EPHA6: variants seen among roughly 807,000 people sequenced by gnomAD.
EPHA6 encodes EPH receptor A6, also known as ephrin type-A receptor 6.
EPHA6 carries 50 observed loss-of-function variants against 112.0 expected under a neutral mutation model. That is an observed-to-expected ratio of 0.45 (90% CI 0.36 to 0.56). EPHA6 has a LOEUF of 0.56. Ranked by LOEUF, EPHA6 falls within the 20% of genes least tolerant of loss-of-function variation. The probability of loss-of-function intolerance (pLI) is 0.00; values close to 1 mark genes in which losing one functional copy is unlikely to be tolerated. For missense variants in EPHA6, 1,280 were observed against 1,417.4 expected (o/e 0.90, Z 1.56); for synonymous variants, 529 against 490.7 (o/e 1.08, Z -1.03).
intron 6 of EPHA6, among the ~76,000 whole-genome samples, chr3:97,432,056 G>C (rs1245654207): frequency 6.6e-6 from 1 of 152,044 alleles, no homozygotes; most frequent in African/African-American, 2.4e-5. Flanking sequence ...TCAAGTTACT[G>C]GCTATATAAA....
rs1234440962 is a variant in EPHA6 at position 96,905,718 on chromosome 3, T to TA, written c.450+38831dup. On this transcript the variant is annotated intron_variant, in intron 2 of 17. Transcript: ENST00000389672. ...AATTATTCTCATTAGGTTTTTTTTTTAACTATTTTAGGAATCACCAAGAGT... is the reference window on the plus strand; with the variant it reads ...AATTATTCTCATTAGGTTTTTTTTTTAAACTATTTTAGGAATCACCAAGAGT... Among the ~76,000 whole-genome samples, 4 of 152,016 alleles carry TA rather than the reference T, an allele frequency of 2.6e-5. No homozygotes were observed. The East Asian group carries it at 7.7e-4, about 29-fold the overall frequency.
At chr3:96,913,209 CA>C (rs1559825535) in intron 2 of EPHA6, among the ~76,000 whole-genome samples, 14 of 119,330 alleles carry the variant, frequency 1.2e-4, no homozygotes, top group East Asian at 3.7e-4. Flanking sequence ...CACACACACA[CA>C]CACCACACAC....
intron 5 of EPHA6, among the ~76,000 whole-genome samples, chr3:97,296,713 C>T (rs932748199): frequency 1.3e-5 from 2 of 152,114 alleles, no homozygotes; most frequent in African/African-American, 4.8e-5. Context: ...AGCAGGATTG[C>T]TGTCAATGGC....
intron 11 of EPHA6, among the ~76,000 whole-genome samples, chr3:97,582,074 G>A (rs2107290876): frequency 6.6e-6 from 1 of 151,744 alleles, no homozygotes; most frequent in East Asian, 1.9e-4. Context: ...CCCAGGCTGA[G>A]GCTGGAGTGC....
At chr3:97,543,440 T>A (rs1459814633) in intron 11 of EPHA6, among the ~76,000 whole-genome samples, 1 of 152,202 alleles carries the variant, frequency 6.6e-6, no homozygotes, top group Non-Finnish European at 1.5e-5. Flanking sequence ...CTCTGTTCTG[T>A]TCCATTGGTC....
At chr3:97,262,355 TAA>T (rs201383101) in intron 5 of EPHA6, among the ~76,000 whole-genome samples, 2,511 of 152,268 alleles carry the variant, frequency 0.016, 63 homozygotes, top group African/African-American at 0.056. Flanking sequence ...GATCTTGAAA[TAA>T]GTGTTTTTGC....
At chr3:96,960,184 C>G (rs1326010375) in intron 2 of EPHA6, among the ~76,000 whole-genome samples, 1 of 152,048 alleles carries the variant, frequency 6.6e-6, no homozygotes, top group Non-Finnish European at 1.5e-5. Context: ...GGTATGTGGC[C>G]TACATTTAGT....
chr3:96,982,560 G>A (rs2042839079), intron 2 of EPHA6, among the ~76,000 whole-genome samples: 3 of 152,176 alleles, frequency 2.0e-5, no homozygotes, highest in Non-Finnish European at 1.5e-5. Flanking sequence ...TTCTGTAGAT[G>A]TCTATTAGGT....
intron 1 of EPHA6, among the ~76,000 whole-genome samples, chr3:96,822,747 A>G (rs1289248971): frequency 6.6e-6 from 1 of 150,764 alleles, no homozygotes; most frequent in African/African-American, 2.4e-5. Context: ...TTCACTAATA[A>G]CAGTAAATTA....
At chr3:97,171,089 G>A (rs1047642135) in intron 3 of EPHA6, among the ~76,000 whole-genome samples, 3 of 152,120 alleles carry the variant, frequency 2.0e-5, no homozygotes, top group East Asian at 1.9e-4. Flanking sequence ...GGAAAAAATT[G>A]TCTTAGAGAA....
intron 2 of EPHA6, among the ~76,000 whole-genome samples, chr3:96,898,801 G>A (rs1275168002): frequency 3.3e-5 from 5 of 151,810 alleles, no homozygotes; most frequent in South Asian, 2.1e-4. Flanking sequence ...AGGCCGAGAC[G>A]GGCGGATCAC....
At chr3:97,110,600 C>A (rs2047693274) in intron 3 of EPHA6, among the ~76,000 whole-genome samples, 1 of 152,080 alleles carries the variant, frequency 6.6e-6, no homozygotes, top group African/African-American at 2.4e-5. Flanking sequence ...TCTCTGTTCA[C>A]TGCAGCCTCT....
chr3:96,906,514 A>T (rs1216969310), intron 2 of EPHA6, among the ~76,000 whole-genome samples: 1 of 152,076 alleles, frequency 6.6e-6, no homozygotes, highest in Admixed American at 6.6e-5. Flanking sequence ...AAGTGAACTC[A>T]TTGTATTACA....
At position 97,360,314 on chromosome 3, in the gene EPHA6, C is replaced by T. The variant is rs112594413; in HGVS notation, c.1607-44836C>T. On this transcript the variant is annotated intron_variant, in intron 5 of 17. Coordinates refer to ENST00000389672, the MANE Select transcript of EPHA6 (RefSeq NM_001080448.3). ...AGACTTCAGATTTCCAAATTAGTTA[C>T]ATCAGACAGACTCTGCCAGTGCAAT... Among the ~76,000 whole-genome samples, 275 of 152,298 alleles carry T rather than the reference C, an allele frequency of 1.8e-3. 1 individual carries two copies. The highest frequency in any genetic ancestry group is 6.1e-3 in the African/African-American group (253 of 41,578).
chr3:96,914,787 C>A (rs2107612151), intron 2 of EPHA6, among the ~76,000 whole-genome samples: 1 of 152,002 alleles, frequency 6.6e-6, no homozygotes, highest in Admixed American at 6.6e-5. Context: ...TTTTCATACT[C>A]TTTCTGTTGC....
rs149086899 is a variant in EPHA6 at position 97,096,967 on chromosome 3, C to T, written c.1114+108974C>T. Among the ~76,000 whole-genome samples, 373 of 151,576 alleles carry T rather than the reference C, an allele frequency of 2.5e-3. 1 individual carries two copies. The highest frequency in any genetic ancestry group is 8.2e-3 in the African/African-American group (341 of 41,440). ...ATGTTTCCTCCATTTTAGTTCCCTA[C>T]GTAGTTTATGAGTTCGTAAACATTT... On this transcript the variant is annotated intron_variant, in intron 3 of 17. Coordinates refer to ENST00000389672, the MANE Select transcript of EPHA6 (RefSeq NM_001080448.3).
At chr3:97,485,367 C>T (rs1487274366) in intron 10 of EPHA6, among the ~76,000 whole-genome samples, 2 of 152,142 alleles carry the variant, frequency 1.3e-5, no homozygotes, top group Non-Finnish European at 2.9e-5. Context: ...ACAGGGCACA[C>T]CTAAACTCAA....
chr3:96,972,532 A>G (rs1006761390), intron 2 of EPHA6, among the ~76,000 whole-genome samples: 2 of 152,016 alleles, frequency 1.3e-5, no homozygotes, highest in African/African-American at 4.8e-5. Context: ...TGTTATTAGA[A>G]TATTTCCTTT....
chr3:97,147,302 G>A (rs891706638), intron 3 of EPHA6, among the ~76,000 whole-genome samples: 3 of 152,014 alleles, frequency 2.0e-5, no homozygotes, highest in African/African-American at 7.2e-5. Flanking sequence ...GCCTTTGGAG[G>A]CCTTATGGTC....
Sources: gnomAD v4.1 joint callset for allele counts (sites outside exome capture counted in the v4.1 genomes callset) on GRCh38, gnomAD v4.1.1 for gene constraint, MANE v1.5 for transcripts, NCBI Gene and HGNC (gene_info 2026-07-23, HGNC 2026-07-21) for gene names.